The following ATP1A2 variants were observed in gnomAD, a reference collection of about 807,000 sequenced individuals.
ATP1A2 encodes sodium/potassium-transporting ATPase subunit alpha-2.
ATP1A2 carries 56 observed loss-of-function variants against 113.1 expected under a neutral mutation model. That is an observed-to-expected ratio of 0.49 (90% confidence interval 0.40 to 0.62). The LOEUF (loss-of-function observed/expected upper bound fraction) is 0.62, where lower values mean the gene tolerates loss of function less well. ATP1A2 is among the 20% of genes least tolerant of loss of function. ATP1A2 has a pLI of 0.00. For missense variants in ATP1A2, 712 were observed against 1,357.8 expected (o/e 0.52, Z 7.47); for synonymous variants, 490 against 526.8 (o/e 0.93, Z 0.96).
At chr1:160,126,089 GT>G (rs1195887775) in intron 7 of ATP1A2, among the ~76,000 whole-genome samples, 2 of 152,156 alleles carry the variant, frequency 1.3e-5, no homozygotes, top group African/African-American at 2.4e-5. Context: ...ATGTTTCTCT[GT>G]GGTTTTTTTC....
chr1:160,125,656 C>T (rs11265329), intron 7 of ATP1A2: 60,810 of 218,472 alleles, frequency 0.28, 10,196 homozygotes, highest in Non-Finnish European at 0.34. Flanking sequence ...CTGCCCCCTT[C>T]GATAACCTTT....
rs1339395963 is a variant in ATP1A2, at chr1:160,128,777, G to A, written c.1143G>A (p.Gln381=). The stretch of plus-strand genomic sequence containing the variant: ...CGGACAAGACGGGCACCCTCACCCA[G>A]AACCGCATGACCGTCGCCCACATGT... ...ICSDKTGTLT[Q]NRMTVAHMWF... Residue 381 remains glutamine, a synonymous_variant, in exon 9 of 23, where the codon CAG becomes CAA. Coordinates refer to ENST00000361216, the MANE Select transcript of ATP1A2 (RefSeq NM_000702.4). 6.2e-7 allele frequency: 1 copy of A among 1,614,054 alleles called. No homozygotes were observed. Among genetic ancestry groups the A allele is most frequent in the East Asian group, 2.2e-5 (1 of 44,884 alleles).
rs146357011 is a variant in ATP1A2 at position 160,134,214 on chromosome 1, TCACACA to T, written c.1828-263_1828-258del. On this transcript the variant is annotated intron_variant, in intron 13 of 22. Transcript: ENST00000361216. ...ACACACACACACAATCCCCACCCCCTCACACACACACAATCCCCACCCACACACACA... is the reference window on the plus strand; with the variant it reads ...ACACACACACACAATCCCCACCCCCTCACACAATCCCCACCCACACACACA... Among the ~76,000 whole-genome samples the T allele has an allele frequency of 6.7e-5, 6 of 90,120 alleles. No individual in the cohort carries two copies. The Admixed American group carries it at 7.1e-4, about 11-fold the overall frequency. The allele number at this position is 90,120 out of a possible 152,430, so 59.1% of individuals were successfully genotyped here. A position where few individuals can be genotyped will look rare whatever the true frequency, so the allele number is the denominator to read the frequency against.
chr1:160,117,841 T>C (rs1356641845), intron 1 of ATP1A2, among the ~76,000 whole-genome samples: 2 of 152,038 alleles, frequency 1.3e-5, no homozygotes, highest in Non-Finnish European at 2.9e-5. Context: ...CGTTGGCGGA[T>C]TCCCAGCTGC....
intron 1 of ATP1A2, among the ~76,000 whole-genome samples, chr1:160,116,087 C>G (rs1446313973): frequency 3.3e-5 from 5 of 151,984 alleles, no homozygotes; most frequent in African/African-American, 7.3e-5. Flanking sequence ...CACGCCCCAG[C>G]CCCCTGCCCA....
At position 160,135,592 on chromosome 1, in the gene ATP1A2, G is replaced by T; in HGVS notation, c.2274G>T (p.Gly758=). The change falls in exon 16 of 23, where the codon GGG becomes GGT. Residue 758 remains glycine, a synonymous_variant. Transcript: ENST00000361216. This position sits in a 1 kb window ranked among gnomAD's most constrained non-coding sequence, Gnocchi z 6.3. Reference sequence around the variant, plus strand: ...ACAACTTTGCCTCCATCGTCACGGGGGTGGAGGAGGGTGAGGAGGCTGCAT... The same window carrying T: ...ACAACTTTGCCTCCATCGTCACGGGTGTGGAGGAGGGTGAGGAGGCTGCAT... ...LDDNFASIVT[G]VEEGRLIFDN... is the part of the protein sequence containing the mutation. 1 of 1,613,874 alleles carries T rather than the reference G, an allele frequency of 6.2e-7. No homozygotes were observed. Among genetic ancestry groups the T allele is most frequent in the Non-Finnish European group, 8.5e-7 (1 of 1,180,014 alleles).
chr1:160,124,557 C>G, intron 6 of ATP1A2, 127 bp downstream of exon 6: 2 of 1,388,700 alleles, frequency 1.4e-6, no homozygotes, highest in Non-Finnish European at 2.0e-6. Context: ...TGCCTATGCC[C>G]CTGCTAAACC....
rs1425188269 is a variant in ATP1A2 at position 160,142,914 on chromosome 1, G to A, written c.*1592G>A. The A allele has an allele frequency of 6.6e-6, 1 of 152,352 alleles. No individual in the cohort carries two copies. The highest frequency in any genetic ancestry group is 2.4e-5 in the African/African-American group (1 of 41,556). 9.4% of individuals were successfully genotyped at this position (152,352 alleles called of 1,614,324 possible). On this transcript the variant is annotated 3_prime_UTR_variant, in exon 23 of 23. Transcript: ENST00000361216. ...TTGTGCCCACTTACCCTGGGCTGGA[G>A]AGTTGGTTTCAGGTTCCTACAGGAG...
rs928773347 is a variant in ATP1A2 at position 160,142,449 on chromosome 1, T to C, written c.*1127T>C. On this transcript the variant is annotated 3_prime_UTR_variant, in exon 23 of 23. Coordinates refer to ENST00000361216, the MANE Select transcript of ATP1A2 (RefSeq NM_000702.4). ...TCCTGTCTCCCAGGGACATGTATGCTTCCAGGGACAAGCTTAGGTCATGAA... is the reference window on the plus strand; with the variant it reads ...TCCTGTCTCCCAGGGACATGTATGCCTCCAGGGACAAGCTTAGGTCATGAA... 2.6e-5 allele frequency: 4 copies of C among 152,212 alleles called. No homozygotes were observed. Among genetic ancestry groups the C allele is most frequent in the African/African-American group, 9.7e-5 (4 of 41,442 alleles). 9.4% of individuals were successfully genotyped at this position (152,212 alleles called of 1,614,324 possible).
At position 160,120,888 on chromosome 1, in the gene ATP1A2, TCTCC is replaced by T. The variant is rs1184627670; in HGVS notation, c.13-15_13-12del. The stretch of plus-strand genomic sequence containing the variant: ...CCCCTCTCTTCCCTGACTCTCTGGC[TCTCC>T]CTTCCTCCCTCAGGCTGGCCGTGAG... On this transcript the variant is annotated splice_polypyrimidine_tract_variant and intron_variant, in intron 1 of 22. Transcript: ENST00000361216. The T allele has an allele frequency of 9.4e-6, 14 of 1,484,666 alleles. No individual in the cohort carries two copies. The highest frequency in any genetic ancestry group is 1.3e-5 in the Non-Finnish European group (14 of 1,112,208). 92.0% of individuals were successfully genotyped at this position (1,484,666 alleles called of 1,614,324 possible).
chr1:160,123,481 A>G, intron 4 of ATP1A2, 65 bp downstream of exon 4: 2 of 1,582,618 alleles, frequency 1.3e-6, no homozygotes, highest in Non-Finnish European at 1.7e-6. Flanking sequence ...CCCCCAACAC[A>G]GTGGGGGGTG....
At position 160,135,968 on chromosome 1, in the gene ATP1A2, T is replaced by C. The variant is rs896031548; in HGVS notation, c.2414T>C (p.Leu805Pro). The C allele has an allele frequency of 2.5e-6, 4 of 1,613,974 alleles. No homozygotes were observed. The highest frequency in any genetic ancestry group is 2.5e-6 in the Non-Finnish European group (3 of 1,179,968). Residue 805 changes from leucine to proline, a missense_variant, in exon 17 of 23, where the codon CTT becomes CCT. Around this residue, in one of 6 missense-constraint regions of ATP1A2, gnomAD observed 188 missense variants for 438.9 expected, o/e 0.43. Transcript: ENST00000361216. This position sits in a 1 kb window ranked among gnomAD's most constrained non-coding sequence, Gnocchi z 6.3. The stretch of plus-strand genomic sequence containing the variant: ...CTACCTCTGGGCACTGTGACCATCC[T>C]TTGCATTGACCTGGGCACAGATATG... Reference protein sequence around the residue: ...IPLPLGTVTILCIDLGTDMVP... With the variant: ...IPLPLGTVTIPCIDLGTDMVP...
chr1:160,123,049 C>T (rs760415413), intron 3 of ATP1A2, among the ~76,000 whole-genome samples, 164 bp from the exon 4 acceptor site: 1 of 152,166 alleles, frequency 6.6e-6, no homozygotes, highest in Non-Finnish European at 1.5e-5. Context: ...TCACAAATGC[C>T]ACCTCCTCCA....
At chr1:160,130,700 C>A in intron 13 of ATP1A2, 103 bp downstream of exon 13, 1 of 1,486,804 alleles carries the variant, frequency 6.7e-7, no homozygotes, top group Non-Finnish European at 9.2e-7. Flanking sequence ...ACGGTGGCCT[C>A]CTTCCCACTG....
At chr1:160,118,074 G>C (rs1319055320) in intron 1 of ATP1A2, among the ~76,000 whole-genome samples, 2 of 152,178 alleles carry the variant, frequency 1.3e-5, no homozygotes, top group East Asian at 1.9e-4. Flanking sequence ...GACAGGAGGA[G>C]GGGGAAGGGG....
Position 160,123,928 on chromosome 1 carries a change from CTT to C in ATP1A2, c.382-13_382-12del. The C allele has an allele frequency of 6.2e-7, 1 of 1,613,720 alleles. No individual in the cohort carries two copies. Among genetic ancestry groups the C allele is most frequent in the South Asian group, 1.1e-5 (1 of 91,058 alleles). ...GGGGGAAGGTCAGGTCCCTGAAACT[CTT>C]TCTCCTTACCAGCTATATCTGGGTG... On this transcript the variant is annotated splice_polypyrimidine_tract_variant and intron_variant, in intron 4 of 22. Coordinates refer to ENST00000361216, the MANE Select transcript of ATP1A2 (RefSeq NM_000702.4).
In ATP1A2 at chr1:160,124,329, C is replaced by A. The variant is rs372536727; in HGVS notation, c.529C>A (p.Gln177Lys). 1.2e-6 allele frequency: 2 copies of A among 1,610,532 alleles called. No homozygotes were observed. Among genetic ancestry groups the A allele is most frequent in the African/African-American group, 2.7e-5 (2 of 74,796 alleles). Residue 177 changes from glutamine to lysine, a missense_variant, in exon 6 of 23, where the codon CAG (glutamine) becomes AAG (lysine). By Grantham distance (53) the Gln-to-Lys change is moderately conservative (BLOSUM62 1). This residue lies in a region of ATP1A2 where 99 missense variants were observed against 180.4 expected (regional missense o/e 0.55). Transcript: ENST00000361216. ...ALVIREGEKM[Q>K]INAEEVVVGD... ...TGTGATCCGGGAGGGAGAGAAGATGCAGATCAACGCAGAGGAAGTGGTGGT... is the reference window on the plus strand; with the variant it reads ...TGTGATCCGGGAGGGAGAGAAGATGAAGATCAACGCAGAGGAAGTGGTGGT...
Position 160,120,814 on chromosome 1 carries a change from C to T in ATP1A2, c.13-92C>T, listed in dbSNP as rs1159993447. 4.5e-6 allele frequency: 6 copies of T among 1,325,332 alleles called. No homozygotes were observed. In the East Asian group the frequency reaches 1.0e-4, roughly 22 times the overall value. The allele number at this position is 1,325,332 out of a possible 1,614,324, so 82.1% of individuals were successfully genotyped here. ...GGCAGCCGCTGCTTTTGAACACACA[C>T]CCCCACTGCCTGGGCTCCCTGGCTG... On this transcript the variant is annotated intron_variant, in intron 1 of 22. Coordinates refer to ENST00000361216, the MANE Select transcript of ATP1A2 (RefSeq NM_000702.4).
rs1424884971 is a variant in ATP1A2 at position 160,136,688 on chromosome 1, T to A, written c.2682T>A (p.Asp894Glu). 1 of 1,614,202 alleles carries A rather than the reference T, an allele frequency of 6.2e-7. No individual in the cohort carries two copies. Among genetic ancestry groups the A allele is most frequent in the East Asian group, 2.2e-5 (1 of 44,886 alleles). Residue 894 changes from aspartate to glutamate, a missense_variant, in exon 19 of 23, where the codon GAT (aspartate) becomes GAA (glutamate). By Grantham distance (45) the Asp-to-Glu change is conservative (BLOSUM62 2). Coordinates refer to ENST00000361216, the MANE Select transcript of ATP1A2 (RefSeq NM_000702.4). Reference sequence around the variant, plus strand: ...ACTGGGATGACCGGACCATGAATGATCTGGAGGACAGCTATGGACAGGAGT... The same window carrying A: ...ACTGGGATGACCGGACCATGAATGAACTGGAGGACAGCTATGGACAGGAGT... ...RLDWDDRTMN[D>E]LEDSYGQEWT...
Sources: gnomAD v4.1 joint callset for allele counts (sites outside exome capture counted in the v4.1 genomes callset) on GRCh38, gnomAD v4.1.1 for gene constraint, gnomAD v4.1.1 regional missense constraint, Gnocchi (gnomAD v3.1) non-coding constraint, MANE v1.5 for transcripts, NCBI Gene and HGNC (gene_info 2026-07-23, HGNC 2026-07-21) for gene names.